The following CDH23 variants were observed in gnomAD, a reference collection of about 807,000 sequenced individuals.
CDH23 encodes the protein cadherin related 23, also known as cadherin-23.
In CDH23, 189 loss-of-function variants were observed where a neutral mutation model predicts 317.1. The observed-to-expected ratio is 0.60, with a 90% CI of 0.53 to 0.67. The LOEUF (loss-of-function observed/expected upper bound fraction) is 0.67. Ranked by LOEUF, CDH23 falls within the 30% of genes least tolerant of loss-of-function variation. The probability of loss-of-function intolerance (pLI) is 0.00; values close to 1 mark genes in which losing one functional copy is unlikely to be tolerated. For missense variants in CDH23, 4,401 were observed against 4,592.4 expected (o/e 0.96, Z 1.20); for synonymous variants, 1,839 against 1,876.8 (o/e 0.98, Z 0.52).
At chr10:71,712,556 G>A in intron 27 of CDH23, 109 bp from the exon 28 acceptor site, 4 of 1,284,764 alleles carry the variant, frequency 3.1e-6, no homozygotes, top group Non-Finnish European at 4.4e-6. Context: ...GGGCAGATGG[G>A]GCGGAACAGG....
At chr10:71,773,485 C>A (rs1169805461) in intron 38 of CDH23, 3 of 1,543,988 alleles carry the variant, frequency 1.9e-6, no homozygotes, top group East Asian at 2.4e-5. Flanking sequence ...GGGGAGCGGG[C>A]GGGACGCGGC....
chr10:71,482,931 A>T lies in CDH23; in HGVS notation c.146-27151A>T, dbSNP rs956392888. Among the ~76,000 whole-genome samples, 5 of 152,262 alleles carry T rather than the reference A, an allele frequency of 3.3e-5. No homozygotes were observed. The East Asian group carries it at 7.7e-4, about 23-fold the overall frequency. ...AAGCGTGCCCATTAATCTGTAGAGCAGTTTTTCTCTGTGGAAGTAAATCTC... is the reference window on the plus strand; with the variant it reads ...AAGCGTGCCCATTAATCTGTAGAGCTGTTTTTCTCTGTGGAAGTAAATCTC... On this transcript the variant is annotated intron_variant, in intron 3 of 69. Coordinates refer to ENST00000224721, the MANE Select transcript of CDH23 (RefSeq NM_022124.6).
intron 3 of CDH23, among the ~76,000 whole-genome samples, chr10:71,479,130 T>A (rs1851938515): frequency 6.6e-6 from 1 of 151,926 alleles, no homozygotes; most frequent in African/African-American, 2.4e-5. Flanking sequence ...TCAGAGAGGT[T>A]AAGTGCCCTG....
intron 48 of CDH23, among the ~76,000 whole-genome samples, chr10:71,795,319 C>T (rs971430860): frequency 6.6e-6 from 1 of 151,968 alleles, no homozygotes; most frequent in Admixed American, 6.6e-5. Context: ...CAAAGGGAAA[C>T]AGAAGAAGGA....
In CDH23 at chr10:71,815,239, C is replaced by G; in HGVS notation, c.10026C>G (p.Asp3342Glu). The change falls in exon 70 of 70, where the codon GAC becomes GAG. Residue 3342 changes from aspartate to glutamate, a missense_variant. Asp to Glu is a conservative substitution (Grantham distance 45). This residue lies in a region of CDH23 where 1,144 missense variants were observed against 1,138.2 expected (regional missense o/e 1.01). Coordinates refer to ENST00000224721, the MANE Select transcript of CDH23 (RefSeq NM_022124.6). Reference protein sequence around the residue: ...AKSTPLHKLRDVIMETPLEIT... With the variant: ...AKSTPLHKLREVIMETPLEIT... ...CCACACCCCTGCACAAACTTCGCGA[C>G]GTGATCATGGAGACCCCCCTGGAGA... 1 of 1,591,606 alleles carries G rather than the reference C, an allele frequency of 6.3e-7. No individual in the cohort carries two copies. The highest frequency in any genetic ancestry group is 8.6e-7 in the Non-Finnish European group (1 of 1,164,378).
chr10:71,760,772 G>T, intron 38 of CDH23: 2 of 1,166,268 alleles, frequency 1.7e-6, no homozygotes, highest in Non-Finnish European at 2.6e-6. Context: ...CTGAGGGCTT[G>T]GGGTGATGAG....
At chr10:71,760,261 GTATATACATATATATGTATGTATATA>G (rs1840336787) in intron 38 of CDH23, among the ~76,000 whole-genome samples, 1 of 96,688 alleles carries the variant, frequency 1.0e-5, no homozygotes, top group East Asian at 2.6e-4. Context: ...GTATATATAT[GTATATACATATATATGTATGTATATA>G]TGTGTATATA....
At chr10:71,428,055 T>C (rs1267353250) in intron 1 of CDH23, among the ~76,000 whole-genome samples, 1 of 152,088 alleles carries the variant, frequency 6.6e-6, no homozygotes, top group Non-Finnish European at 1.5e-5. Context: ...CTTTCTCCAG[T>C]AGCTGTGTCA....
At chr10:71,574,427 C>T (rs967691005) in intron 8 of CDH23, among the ~76,000 whole-genome samples, 1 of 152,154 alleles carries the variant, frequency 6.6e-6, no homozygotes, top group Admixed American at 6.5e-5. Flanking sequence ...ATCAGCCTTT[C>T]GACTGGAATT....
intron 19 of CDH23, 136 bp downstream of exon 19, chr10:71,687,855 C>G (rs1253181910): frequency 2.5e-6 from 2 of 805,100 alleles, no homozygotes; most frequent in African/African-American, 3.4e-5. Context: ...GGCCAAGCTC[C>G]TTGACAAATC....
chr10:71,622,038 A>G (rs1450743484), intron 11 of CDH23, among the ~76,000 whole-genome samples: 1 of 151,832 alleles, frequency 6.6e-6, no homozygotes, highest in Non-Finnish European at 1.5e-5. Flanking sequence ...TCCAAAAGGC[A>G]GAAGCCCCAG....
rs977208584 is a variant in CDH23 at position 71,709,103 on chromosome 10, A to G, written c.3112A>G (p.Asn1038Asp). ...AELSYFITGG[N>D]VDGKFSVGYR... ...TTCCTCTCCTTCACCCACAGGTGGCAACGTGGATGGGAAGTTCAGCGTGGG... is the reference window on the plus strand; with the variant it reads ...TTCCTCTCCTTCACCCACAGGTGGCGACGTGGATGGGAAGTTCAGCGTGGG... Residue 1038 changes from asparagine to aspartate, a missense_variant, in exon 27 of 70, where the codon AAC becomes GAC. Asn to Asp is a conservative substitution (Grantham distance 23, BLOSUM62 1). This residue lies in a region of CDH23 where 3,068 missense variants were observed against 3,203.3 expected (regional missense o/e 0.96). Transcript: ENST00000224721. 6.2e-7 allele frequency: 1 copy of G among 1,613,680 alleles called. No homozygotes were observed. Among genetic ancestry groups the G allele is most frequent in the African/African-American group, 1.3e-5 (1 of 74,926 alleles).
chr10:71,723,753 C>T (rs1866675520), intron 28 of CDH23, among the ~76,000 whole-genome samples: 1 of 152,192 alleles, frequency 6.6e-6, no homozygotes, highest in Non-Finnish European at 1.5e-5. Context: ...ACCCAGCGAG[C>T]TGCAGTGCCA....
At chr10:71,716,282 A>G in intron 28 of CDH23, 1 of 1,530,184 alleles carries the variant, frequency 6.5e-7, no homozygotes, top group Middle Eastern at 1.8e-4. Flanking sequence ...AGCTGAGAGA[A>G]AGGCGAGGGG....
rs779025760 is a variant in CDH23, at chr10:71,682,506, G to A, written c.1920G>A (p.Thr640=). 36 of 1,613,442 alleles carry A rather than the reference G, an allele frequency of 2.2e-5. No individual in the cohort carries two copies. The East Asian group carries it at 2.9e-4, about 13-fold the overall frequency. Residue 640 remains threonine (T), a synonymous_variant, in exon 18 of 70, where the codon ACG becomes ACA. Coordinates refer to ENST00000224721, the MANE Select transcript of CDH23 (RefSeq NM_022124.6). The part of the protein sequence containing the change: ...EQISNGLIYL[T]VMAMDAGNPP... ...TATCCAATGGGCTGATTTATCTGAC[G>A]GTCATGGCCATGGATGCTGGCAACC...
At chr10:71,400,972 T>C (rs77106265) in intron 1 of CDH23, among the ~76,000 whole-genome samples, 351 of 152,326 alleles carry the variant, frequency 2.3e-3, no homozygotes, top group African/African-American at 7.7e-3. Context: ...TTAAACATTG[T>C]ATTTTATTTT....
intron 48 of CDH23, chr10:71,796,079 G>C: frequency 1.0e-6 from 1 of 987,270 alleles, no homozygotes; most frequent in Non-Finnish European, 1.2e-6. Context: ...GGCGGCCCAG[G>C]GTAAGTGACT....
chr10:71,652,536 G>T (rs1424474776), intron 14 of CDH23, among the ~76,000 whole-genome samples: 1 of 152,234 alleles, frequency 6.6e-6, no homozygotes, highest in Non-Finnish European at 1.5e-5. Context: ...CCTTCGGCCT[G>T]TGGACAAGCC....
At chr10:71,468,808 C>T (rs187569920) in intron 3 of CDH23, among the ~76,000 whole-genome samples, 5 of 152,216 alleles carry the variant, frequency 3.3e-5, no homozygotes, top group South Asian at 2.1e-4. Flanking sequence ...TGCCGGGGCC[C>T]GGCAGGAGAC....
Sources: gnomAD v4.1 joint callset for allele counts (sites outside exome capture counted in the v4.1 genomes callset) on GRCh38, gnomAD v4.1.1 for gene constraint, gnomAD v4.1.1 regional missense constraint, MANE v1.5 for transcripts, NCBI Gene and HGNC (gene_info 2026-07-23, HGNC 2026-07-21) for gene names.